SP3: variants seen among roughly 807,000 people sequenced by gnomAD.
SP3 encodes Sp3 transcription factor.
Under a neutral mutation model 70.3 loss-of-function variants are expected in SP3, and 10 were observed. The observed-to-expected ratio is 0.14, with a 90% confidence interval of 0.09 to 0.24. SP3 has a LOEUF of 0.24. Among genes scored for constraint, SP3 ranks in the 10% least tolerant of loss-of-function variants. The pLI, the probability that SP3 is intolerant of heterozygous loss-of-function variation, is 1.00. For synonymous variants in SP3, 402 were observed against 333.5 expected, an observed-to-expected ratio of 1.21 and a Z score of -2.24; for missense variants, 825 against 914.6, an observed-to-expected ratio of 0.90 and a Z score of 1.26.
rs1690864315 is a variant in SP3, at chr2:173,955,790, A to G, written c.722T>C (p.Ile241Thr). ...TGQVQVQGVA[I>T]GGSSFPGQTQ... ...TTGACCAGGAAAAGATGAACCACCA[A>G]TTGCAACTCCCTGAACCTGGACTTG... The change falls in exon 4 of 7, where the codon ATT (isoleucine) becomes ACT (threonine). Residue 241 changes from isoleucine (I) to threonine (T), a missense_variant. Physicochemically the swap from Ile to Thr is moderately conservative, Grantham distance 89. This residue lies in a region of SP3 where 678 missense variants were observed against 651.6 expected (regional missense o/e 1.04). Transcript: ENST00000310015. 2.5e-6 allele frequency: 4 copies of G among 1,614,222 alleles called. No individual in the cohort carries two copies. The highest frequency in any genetic ancestry group is 1.1e-5 in the South Asian group (1 of 91,088).
At chr2:173,961,119 GT>G (rs1691059543) in intron 3 of SP3, among the ~76,000 whole-genome samples, 1 of 152,004 alleles carries the variant, frequency 6.6e-6, no homozygotes, top group African/African-American at 2.4e-5. Flanking sequence ...CTATTTCCTG[GT>G]TTACTACTAA....
Position 173,964,516 on chromosome 2 carries a change from G to A in SP3, c.45C>T (p.Ala15=), listed in dbSNP as rs190835775. The A allele has an allele frequency of 2.0e-3, 1,373 of 694,302 alleles. 12 individuals are homozygous for A. The African/African-American group carries it at 0.023, about 12-fold the overall frequency. The allele number at this position is 694,302 out of a possible 1,614,324, so 43.0% of individuals were successfully genotyped here. A position where few individuals can be genotyped will look rare whatever the true frequency, so the allele number is the denominator to read the frequency against. ...EKPVKQEEMA[A]LDVDSGGGGG... ...CGCCGCCGCCGCTATCCACGTCCAA[G>A]GCAGCCATTTCCTCTTGTTTCACGG... Residue 15 remains alanine, a synonymous_variant, in exon 2 of 7, where the codon GCC becomes GCT. Coordinates refer to ENST00000310015, the MANE Select transcript of SP3 (RefSeq NM_003111.5).
At chr2:173,941,492 C>T (rs903810148) in intron 4 of SP3, among the ~76,000 whole-genome samples, 1 of 152,150 alleles carries the variant, frequency 6.6e-6, no homozygotes, top group African/African-American at 2.4e-5. Context: ...CATGTGCAGT[C>T]CCAGCTACTT....
At chr2:173,941,405 C>T (rs1253809524) in intron 4 of SP3, among the ~76,000 whole-genome samples, 4 of 152,104 alleles carry the variant, frequency 2.6e-5, no homozygotes, top group East Asian at 1.9e-4. Context: ...ACCAGGAGTT[C>T]GAGACCAGCC....
At position 173,918,585 on chromosome 2, in the gene SP3, A is replaced by G. The variant is rs746825517; in HGVS notation, c.1832+8T>C. 3 of 1,612,306 alleles carry G rather than the reference A, an allele frequency of 1.9e-6. No homozygotes were observed. The South Asian group carries it at 3.3e-5, about 18-fold the overall frequency. ...TTAAAAATATATATGTGTTTCATGT[A>G]TGCATACCTTCCACCACCTTCTTTA... On this transcript the variant is annotated splice_region_variant and intron_variant, in intron 5 of 6. Coordinates refer to ENST00000310015, the MANE Select transcript of SP3 (RefSeq NM_003111.5).
chr2:173,964,373 G>C (rs1334996957), intron 2 of SP3, 32 bp downstream of exon 2: 1 of 678,082 alleles, frequency 1.5e-6, no homozygotes, highest in Non-Finnish European at 2.7e-6. Context: ...GGCGCGAGGG[G>C]GGAGCCGGGC....
At chr2:173,960,081 G>A (rs2105504577) in intron 3 of SP3, among the ~76,000 whole-genome samples, 1 of 152,242 alleles carries the variant, frequency 6.6e-6, no homozygotes, top group Admixed American at 6.5e-5. Context: ...GAGGTGGGAG[G>A]ATCAACTGAG....
chr2:173,956,767 T>A (rs16862222), intron 3 of SP3, among the ~76,000 whole-genome samples: 1,548 of 152,262 alleles, frequency 0.01, 29 homozygotes, highest in African/African-American at 0.035. Flanking sequence ...TTCCATGAAC[T>A]AATGAAAAAC....
chr2:173,944,998 A>T (rs1164122211), intron 4 of SP3, among the ~76,000 whole-genome samples: 1 of 152,172 alleles, frequency 6.6e-6, no homozygotes, highest in East Asian at 1.9e-4. Flanking sequence ...TGCATTTAAT[A>T]AGTTGAATTA....
chr2:173,963,847 T>G lies in SP3; in HGVS notation c.193A>C (p.Thr65Pro). 2.7e-6 allele frequency: 4 copies of G among 1,497,972 alleles called. No individual in the cohort carries two copies. The highest frequency in any genetic ancestry group is 3.6e-6 in the Non-Finnish European group (4 of 1,119,196). 92.8% of individuals were successfully genotyped at this position (1,497,972 alleles called of 1,614,324 possible). A position where few individuals can be genotyped will look rare whatever the true frequency, so the allele number is the denominator to read the frequency against. ...GATGGCGGCCCTATCTTGCTGCAGG[T>G]AGCGGCCAGCAGAGCGAGCGGTGAC... ...QPSPLALLAATCSKIGPPSPG... is the reference protein window; with the variant it reads ...QPSPLALLAAPCSKIGPPSPG... The change falls in exon 3 of 7, where the codon ACC (threonine) becomes CCC (proline). Residue 65 changes from threonine (T) to proline (P), a missense_variant. Physicochemically the swap from Thr to Pro is conservative, Grantham distance 38. Around this residue, in one of 4 missense-constraint regions of SP3, gnomAD observed 678 missense variants for 651.6 expected, o/e 1.04. Transcript: ENST00000310015.
Position 173,905,064 on chromosome 2 carries a change from T to A in SP3, c.*4877A>T, listed in dbSNP as rs1379302551. On this transcript the variant is annotated 3_prime_UTR_variant, in exon 7 of 7. Transcript: ENST00000310015. Reference sequence around the variant, plus strand: ...TTTAGGTGCTTCAGTCTTTTCTTCTTATTCCATCCTTTTCTGATAGGGCAG... The same window carrying A: ...TTTAGGTGCTTCAGTCTTTTCTTCTAATTCCATCCTTTTCTGATAGGGCAG... Among the ~76,000 whole-genome samples the A allele has an allele frequency of 1.3e-5, 2 of 152,254 alleles. No homozygotes were observed. The highest frequency in any genetic ancestry group is 2.9e-5 in the Non-Finnish European group (2 of 68,034).
rs148842545 is a variant in SP3 at position 173,954,127 on chromosome 2, C to G, written c.1639+746G>C. The stretch of plus-strand genomic sequence containing the variant: ...TTAAAGTAATAAAGTTCAGGATTTA[C>G]TGCACAACAAAACATTCAATCAAAT... On this transcript the variant is annotated intron_variant, in intron 4 of 6. Transcript: ENST00000310015. Among the ~76,000 whole-genome samples, 801 of 152,300 alleles carry G rather than the reference C, an allele frequency of 5.3e-3. 3 individuals carry two copies. The highest frequency in any genetic ancestry group is 0.018 in the African/African-American group (765 of 41,554).
In SP3 at chr2:173,955,923, T is replaced by C. The variant is rs1690874086; in HGVS notation, c.589A>G (p.Ile197Val). 1 of 1,614,118 alleles carries C rather than the reference T, an allele frequency of 6.2e-7. No individual in the cohort carries two copies. The highest frequency in any genetic ancestry group is 8.5e-7 in the Non-Finnish European group (1 of 1,180,026). The change falls in exon 4 of 7, where the codon ATA becomes GTA. Residue 197 changes from isoleucine (I) to valine (V), a missense_variant. This residue lies in a region of SP3 where 678 missense variants were observed against 651.6 expected (regional missense o/e 1.04). Coordinates refer to ENST00000310015, the MANE Select transcript of SP3 (RefSeq NM_003111.5). ...TGAATTTGACTGCTTTCTTGATTTA[T>C]ACCCCCATTATCTGAAGAGCCTGTG... ...GFTGSSDNGG[I>V]NQESSQIQII...
chr2:173,925,570 GT>G (rs913136648), intron 4 of SP3, among the ~76,000 whole-genome samples: 4 of 152,092 alleles, frequency 2.6e-5, no homozygotes, highest in Non-Finnish European at 5.9e-5. Flanking sequence ...AATGTTATGT[GT>G]TTTTTACAAT....
rs979317527 is a variant in SP3 at position 173,910,407 on chromosome 2, T to TG, written c.2030-151dup. On this transcript the variant is annotated intron_variant, in intron 6 of 6. Transcript: ENST00000310015. ...TTGTATTCATTTTACGAGCTACCCC[T>TG]GCCAGATTTCTCTTACAGAATATTT... 6 of 614,822 alleles carry TG rather than the reference T, an allele frequency of 9.8e-6. No individual in the cohort carries two copies. In the Admixed American group the frequency reaches 1.2e-4, roughly 13 times the overall value. 38.1% of individuals were successfully genotyped at this position (614,822 alleles called of 1,614,324 possible).
At chr2:173,926,387 A>G (rs1385315296) in intron 4 of SP3, among the ~76,000 whole-genome samples, 2 of 152,166 alleles carry the variant, frequency 1.3e-5, no homozygotes, top group Admixed American at 1.3e-4. Flanking sequence ...ATAGATATAT[A>G]TATTTTCTTC....
chr2:173,963,770 G>GGCGGCGGGGGCCCCGGCT lies in SP3; in HGVS notation c.252_269dup (p.Pro88_Ala93dup). ...CGCGCGCGGGACTTACCGCTCCGGC[G>GGCGGCGGGGGCCCCGGCT]GCGGCGGGGGCCCCGGCTGCGGCGG... On this transcript the variant is annotated inframe_insertion, in exon 3 of 7. Coordinates refer to ENST00000310015, the MANE Select transcript of SP3 (RefSeq NM_003111.5). The GGCGGCGGGGGCCCCGGCT allele has an allele frequency of 7.7e-7, 1 of 1,300,582 alleles. No individual in the cohort carries two copies. The highest frequency in any genetic ancestry group is 9.9e-7 in the Non-Finnish European group (1 of 1,007,300). 80.6% of individuals were successfully genotyped at this position (1,300,582 alleles called of 1,614,324 possible).
At chr2:173,931,958 C>T (rs989470826) in intron 4 of SP3, among the ~76,000 whole-genome samples, 11 of 152,184 alleles carry the variant, frequency 7.2e-5, no homozygotes, top group African/African-American at 2.7e-4. Flanking sequence ...GTTTTGCTTT[C>T]TTATCACGTG....
At chr2:173,962,400 A>C (rs1691116333) in intron 3 of SP3, among the ~76,000 whole-genome samples, 2 of 152,234 alleles carry the variant, frequency 1.3e-5, no homozygotes, top group Non-Finnish European at 2.9e-5. Flanking sequence ...TTGTTTTGGC[A>C]CTTTGGAACT....
Sources: allele counts gnomAD v4.1 joint callset (sites outside exome capture counted in the v4.1 genomes callset), GRCh38; gene constraint gnomAD v4.1.1; regional missense constraint gnomAD v4.1.1; transcripts MANE v1.5; gene names NCBI Gene and HGNC (gene_info 2026-07-23, HGNC 2026-07-21).